NIM1K: variants seen among roughly 807,000 people sequenced by gnomAD.
NIM1K encodes the protein serine/threonine-protein kinase NIM1.
NIM1K carries 35 observed loss-of-function variants against 37.1 expected under a neutral mutation model. The ratio of observed to expected loss-of-function variants is 0.94; its 90% CI spans 0.72 to 1.25. The LOEUF (loss-of-function observed/expected upper bound fraction) is 1.25. Among genes scored for constraint, NIM1K ranks in the 50% most tolerant of loss-of-function variants. The pLI, the probability that NIM1K is intolerant of heterozygous loss-of-function variation, is 0.00. For missense variants in NIM1K, 564 were observed against 548.0 expected (o/e 1.03, Z -0.29); for synonymous variants, 234 against 206.6 (o/e 1.13, Z -1.14).
intron 1 of NIM1K, among the ~76,000 whole-genome samples, chr5:43,204,195 C>A (rs1304404962): frequency 7.6e-6 from 1 of 131,938 alleles, no homozygotes; most frequent in Admixed American, 8.9e-5. Flanking sequence ...TCAAGAGATT[C>A]TCCTGCCTCA....
At chr5:43,265,961 T>C (rs973480082) in intron 2 of NIM1K, among the ~76,000 whole-genome samples, 1 of 152,224 alleles carries the variant, frequency 6.6e-6, no homozygotes. Flanking sequence ...ATAGCAAATG[T>C]TGCTGCCTGA....
intron 2 of NIM1K, among the ~76,000 whole-genome samples, chr5:43,250,713 T>C (rs1004397775): frequency 2.0e-5 from 3 of 152,066 alleles, no homozygotes; most frequent in African/African-American, 7.2e-5. Context: ...ACAAGAGAAG[T>C]TGGATAAAGC....
At chr5:43,212,813 T>C (rs911193346) in intron 1 of NIM1K, among the ~76,000 whole-genome samples, 2 of 152,232 alleles carry the variant, frequency 1.3e-5, no homozygotes, top group African/African-American at 2.4e-5. Flanking sequence ...ATTCTCACCA[T>C]GCACTTGGGT....
intron 1 of NIM1K, among the ~76,000 whole-genome samples, chr5:43,239,496 C>T (rs1247821839): frequency 6.8e-6 from 1 of 147,642 alleles, no homozygotes; most frequent in Non-Finnish European, 1.5e-5. Flanking sequence ...CCTTGGCCTC[C>T]CAAAGTGTTG....
chr5:43,213,387 C>A (rs978087317), intron 1 of NIM1K, among the ~76,000 whole-genome samples: 1 of 148,882 alleles, frequency 6.7e-6, no homozygotes, highest in African/African-American at 2.5e-5. Context: ...TGGAGCGCAG[C>A]GGCACGATCT....
intron 2 of NIM1K, among the ~76,000 whole-genome samples, chr5:43,274,603 T>C (rs1753310249): frequency 6.6e-6 from 1 of 152,212 alleles, no homozygotes; most frequent in Middle Eastern, 3.2e-3. Context: ...GGATTGCCAT[T>C]GGAGGTTCTT....
chr5:43,266,029 G>A (rs1281601855), intron 2 of NIM1K, among the ~76,000 whole-genome samples: 2 of 152,234 alleles, frequency 1.3e-5, no homozygotes, highest in African/African-American at 4.8e-5. Flanking sequence ...GCATCAGTCG[G>A]CCCCTACTGG....
intron 1 of NIM1K, chr5:43,232,337 C>T: frequency 7.6e-7 from 1 of 1,310,584 alleles, no homozygotes; most frequent in African/African-American, 1.4e-5. Flanking sequence ...GGTAGGCTTT[C>T]TCAGCAGAGA....
intron 2 of NIM1K, among the ~76,000 whole-genome samples, chr5:43,255,386 C>T (rs1044230350): frequency 5.3e-5 from 8 of 152,172 alleles, no homozygotes; most frequent in Non-Finnish European, 8.8e-5. Context: ...AACTTACACT[C>T]TAGTGAGAGG....
At chr5:43,276,432 T>C (rs559057945) in intron 2 of NIM1K, among the ~76,000 whole-genome samples, 92 of 152,310 alleles carry the variant, frequency 6.0e-4, no homozygotes, top group African/African-American at 2.1e-3. Flanking sequence ...CACTTATCAC[T>C]AAGGAGATGG....
chr5:43,272,772 A>C (rs1174827913), intron 2 of NIM1K, among the ~76,000 whole-genome samples: 3 of 152,124 alleles, frequency 2.0e-5, no homozygotes, highest in Non-Finnish European at 2.9e-5. Flanking sequence ...TTTTGCATAA[A>C]GTTTCAGATG....
intron 1 of NIM1K, among the ~76,000 whole-genome samples, chr5:43,197,415 GA>G (rs1487224088): frequency 2.6e-5 from 4 of 152,138 alleles, no homozygotes; most frequent in Non-Finnish European, 5.9e-5. Flanking sequence ...AAAGTGCTGG[GA>G]TTACAGGCGT....
chr5:43,201,616 T>A (rs181503847), intron 1 of NIM1K, among the ~76,000 whole-genome samples: 5,496 of 134,662 alleles, frequency 0.041, 129 homozygotes, highest in Middle Eastern at 0.15. Context: ...CCAAATATAT[T>A]TTTTTTTGCT....
At chr5:43,208,513 GA>G (rs1364723260) in intron 1 of NIM1K, among the ~76,000 whole-genome samples, 1 of 151,904 alleles carries the variant, frequency 6.6e-6, no homozygotes, top group Non-Finnish European at 1.5e-5. Context: ...TGAGGCAGGA[GA>G]ATCGCTTGAA....
Position 43,199,914 on chromosome 5 carries a change from TG to T in NIM1K, c.-695+7504del, listed in dbSNP as rs1190536439. Among the ~76,000 whole-genome samples, 3 of 152,338 alleles carry T rather than the reference TG, an allele frequency of 2.0e-5. No homozygotes were observed. In the East Asian group the frequency reaches 5.8e-4, roughly 29 times the overall value. ...ATTTTTTGAGACAGAGTTTTGTTCT[TG>T]CCCAGGCTGGAGTGCAATGGTGTGA... On this transcript the variant is annotated intron_variant, in intron 1 of 3. Coordinates refer to ENST00000326035, the MANE Select transcript of NIM1K (RefSeq NM_153361.4).
intron 1 of NIM1K, among the ~76,000 whole-genome samples, chr5:43,212,442 TC>T (rs1382798865): frequency 1.3e-5 from 2 of 151,558 alleles, no homozygotes; most frequent in African/African-American, 2.4e-5. Flanking sequence ...CAAAAATAAA[TC>T]CCTCCACAGT....
intron 1 of NIM1K, among the ~76,000 whole-genome samples, chr5:43,223,192 A>G (rs530875435): frequency 1.3e-5 from 2 of 151,688 alleles, no homozygotes; most frequent in South Asian, 4.2e-4. Context: ...TCAGGAAATA[A>G]CTATATAGCA....
chr5:43,232,204 C>A (rs1752549762), intron 1 of NIM1K: 7 of 996,352 alleles, frequency 7.0e-6, no homozygotes, highest in Non-Finnish European at 9.4e-6. Context: ...CTTTGAGAAC[C>A]ATGTCACCAC....
chr5:43,229,572 C>T (rs925673291), intron 1 of NIM1K, among the ~76,000 whole-genome samples: 16 of 151,546 alleles, frequency 1.1e-4, no homozygotes, highest in African/African-American at 3.9e-4. Flanking sequence ...TAAAATCTGT[C>T]TCTATTTATA....
Sources: gnomAD v4.1 joint callset for allele counts (sites outside exome capture counted in the v4.1 genomes callset) on GRCh38, gnomAD v4.1.1 for gene constraint, MANE v1.5 for transcripts, NCBI Gene and HGNC (gene_info 2026-07-23, HGNC 2026-07-21) for gene names.